The following LIPC variants were observed in gnomAD, a reference collection of about 807,000 sequenced individuals.
LIPC encodes the protein lipase C, hepatic type, also known as hepatic triacylglycerol lipase.
In LIPC, 44 loss-of-function variants were observed where a neutral mutation model predicts 50.7. That is an observed-to-expected ratio of 0.87 (90% CI 0.68 to 1.11). The LOEUF is 1.11. Ranked by LOEUF, LIPC falls within the 50% of genes most tolerant of loss-of-function variation. The pLI is 0.00. For missense variants in LIPC, 697 were observed against 648.2 expected (o/e 1.08, Z -0.82); for synonymous variants, 271 against 256.4 (o/e 1.06, Z -0.54).
intron 1 of LIPC, among the ~76,000 whole-genome samples, chr15:58,471,327 A>ATGG (rs1555399284): frequency 4.4e-4 from 3 of 6,882 alleles, no homozygotes; most frequent in East Asian, 9.6e-3. Flanking sequence ...TTTAGTAGAG[A>ATGG]TGGGGGGGGG....
intron 1 of LIPC, among the ~76,000 whole-genome samples, chr15:58,451,154 G>T (rs189358223): frequency 6.6e-6 from 1 of 152,284 alleles, no homozygotes; most frequent in Non-Finnish European, 1.5e-5. Flanking sequence ...GCAATCAAAG[G>T]CCCTGACCGG....
At chr15:58,501,225 A>G (rs1891974047) in intron 1 of LIPC, among the ~76,000 whole-genome samples, 1 of 152,058 alleles carries the variant, frequency 6.6e-6, no homozygotes, top group Non-Finnish European at 1.5e-5. Context: ...GTGATTTCCT[A>G]ACAGGCCCCC....
chr15:58,470,826 C>T (rs1305398910), intron 1 of LIPC, among the ~76,000 whole-genome samples: 1 of 152,114 alleles, frequency 6.6e-6, no homozygotes. Context: ...TGGTCTTGAT[C>T]TCCTGACCTC....
At chr15:58,567,328 T>TATATACATATAC (rs1488301524) in intron 8 of LIPC, among the ~76,000 whole-genome samples, 26 of 33,060 alleles carry the variant, frequency 7.9e-4, no homozygotes, top group Non-Finnish European at 9.0e-4. Flanking sequence ...TATGTGTATA[T>TATATACATATAC]ATATATATAT....
intron 1 of LIPC, among the ~76,000 whole-genome samples, chr15:58,455,232 C>A (rs1205986480): frequency 3.3e-5 from 5 of 152,220 alleles, no homozygotes; most frequent in African/African-American, 1.2e-4. Flanking sequence ...AAGGGCCAGA[C>A]AGTAAATATT....
chr15:58,540,133 G>T (rs761519012), intron 2 of LIPC, among the ~76,000 whole-genome samples: 1 of 152,204 alleles, frequency 6.6e-6, no homozygotes, highest in African/African-American at 2.4e-5. Context: ...CAAAATGTTT[G>T]TTAACTGAAT....
chr15:58,545,412 T>A (rs1165420482), intron 4 of LIPC, among the ~76,000 whole-genome samples: 2 of 152,140 alleles, frequency 1.3e-5, no homozygotes, highest in African/African-American at 4.8e-5. Context: ...ATAACTTTTG[T>A]ATTCTTTTTT....
chr15:58,437,168 C>T (rs537996014), intron 1 of LIPC, among the ~76,000 whole-genome samples: 32 of 152,278 alleles, frequency 2.1e-4, no homozygotes, highest in African/African-American at 7.0e-4. Flanking sequence ...CACAGTTTAA[C>T]ACCAGGGATC....
rs1470173023 is a variant in LIPC, at chr15:58,548,323, G to T, written c.809-7G>T. The stretch of plus-strand genomic sequence containing the variant: ...GGTGATAACGTCCTTCTTGCCCTGT[G>T]TTCCAGCCATCACCCAGACCATAAA... On this transcript the variant is annotated splice_region_variant and splice_polypyrimidine_tract_variant and intron_variant, in intron 5 of 8. Transcript: ENST00000299022. 1.2e-6 allele frequency: 2 copies of T among 1,614,040 alleles called. No individual in the cohort carries two copies. Among genetic ancestry groups the T allele is most frequent in the Middle Eastern group, 1.6e-4 (1 of 6,062 alleles).
chr15:58,473,058 G>A (rs1303588854), intron 1 of LIPC, among the ~76,000 whole-genome samples: 1 of 152,162 alleles, frequency 6.6e-6, no homozygotes, highest in East Asian at 1.9e-4. Flanking sequence ...AGCTGGGGAG[G>A]GGGAGGACGG....
intron 1 of LIPC, among the ~76,000 whole-genome samples, chr15:58,519,675 G>C (rs1892594115): frequency 6.6e-6 from 1 of 152,200 alleles, no homozygotes; most frequent in Admixed American, 6.5e-5. Context: ...TCAATAGACT[G>C]AATATTTACA....
intron 1 of LIPC, among the ~76,000 whole-genome samples, chr15:58,503,392 G>A (rs1566931949): frequency 6.6e-6 from 1 of 152,170 alleles, no homozygotes; most frequent in Non-Finnish European, 1.5e-5. Flanking sequence ...GAGTCAGGGA[G>A]AGGTGATTTG....
chr15:58,452,489 T>A (rs1036284792), intron 1 of LIPC, among the ~76,000 whole-genome samples: 3 of 152,238 alleles, frequency 2.0e-5, no homozygotes, highest in Admixed American at 2.0e-4. Context: ...AGCCACGCAC[T>A]ATCAAGTTAT....
intron 1 of LIPC, among the ~76,000 whole-genome samples, chr15:58,432,914 C>A (rs1051147555): frequency 1.3e-5 from 2 of 152,136 alleles, no homozygotes; most frequent in Non-Finnish European, 2.9e-5. Flanking sequence ...CTAAGACTAG[C>A]CTTGGAGAGA....
At chr15:58,519,168 G>A (rs1298924730) in intron 1 of LIPC, among the ~76,000 whole-genome samples, 1 of 152,056 alleles carries the variant, frequency 6.6e-6, no homozygotes, top group Admixed American at 6.5e-5. Context: ...CAGAACTTCA[G>A]GAGGCCGAGG....
intron 1 of LIPC, among the ~76,000 whole-genome samples, chr15:58,526,090 A>G (rs1251091588): frequency 6.6e-6 from 1 of 152,218 alleles, no homozygotes; most frequent in African/African-American, 2.4e-5. Context: ...CCACTGGGCA[A>G]CTTCTTCTCA....
intron 5 of LIPC, among the ~76,000 whole-genome samples, chr15:58,547,937 G>A (rs1237433400): frequency 6.6e-6 from 1 of 152,134 alleles, no homozygotes; most frequent in Non-Finnish European, 1.5e-5. Context: ...CCAGGCATCA[G>A]CACCTGGGCA....
intron 1 of LIPC, among the ~76,000 whole-genome samples, chr15:58,527,128 G>A (rs183336152): frequency 3.0e-4 from 45 of 152,338 alleles, no homozygotes; most frequent in Non-Finnish European, 1.5e-5. Flanking sequence ...AATATCTTAG[G>A]GGAAATAGTG....
At position 58,538,390 on chromosome 15, in the gene LIPC, A is replaced by C. The variant is rs1263031616; in HGVS notation, c.146A>C (p.Lys49Thr). The C allele has an allele frequency of 1.2e-6, 2 of 1,614,204 alleles. No homozygotes were observed. Among genetic ancestry groups the C allele is most frequent in the Admixed American group, 1.7e-5 (1 of 60,026 alleles). ...ACAAACAAAACGCTGCATGAGATGAAGACCAGATTCCTGCTCTTTGGAGAA... is the reference window on the plus strand; with the variant it reads ...ACAAACAAAACGCTGCATGAGATGACGACCAGATTCCTGCTCTTTGGAGAA... ...VETNKTLHEM[K>T]TRFLLFGETN... Residue 49 changes from lysine to threonine, a missense_variant, in exon 2 of 9, where the codon AAG (lysine) becomes ACG (threonine). By Grantham distance (78) the Lys-to-Thr change is moderately conservative. Coordinates refer to ENST00000299022, the MANE Select transcript of LIPC (RefSeq NM_000236.3).
Sources: gnomAD v4.1 joint callset for allele counts (sites outside exome capture counted in the v4.1 genomes callset) on GRCh38, gnomAD v4.1.1 for gene constraint, MANE v1.5 for transcripts, NCBI Gene and HGNC (gene_info 2026-07-23, HGNC 2026-07-21) for gene names.